HIVEP1: variants seen among roughly 807,000 people sequenced by gnomAD.
The protein encoded by HIVEP1 is HIVEP zinc finger 1, also known as zinc finger protein 40.
Under a neutral mutation model 180.0 loss-of-function variants are expected in HIVEP1, and 36 were observed. That is an observed-to-expected ratio of 0.20 (90% confidence interval 0.15 to 0.26). HIVEP1 has a LOEUF of 0.26. Ranked by LOEUF, HIVEP1 falls within the 10% of genes least tolerant of loss-of-function variation. The probability of loss-of-function intolerance (pLI) is 1.00; values close to 1 mark genes in which losing one functional copy is unlikely to be tolerated. For synonymous variants in HIVEP1, 1,239 were observed against 1,239.0 expected (o/e 1.00, Z 0.00); for missense variants, 3,143 against 3,268.7 (o/e 0.96, Z 0.94).
chr6:12,054,443 C>T (rs1224124108), intron 2 of HIVEP1, among the ~76,000 whole-genome samples: 3 of 152,120 alleles, frequency 2.0e-5, no homozygotes, highest in African/African-American at 7.2e-5. Flanking sequence ...CATATACCTA[C>T]ATATGTATCT....
chr6:12,154,159 A>G (rs1759876678), intron 7 of HIVEP1, among the ~76,000 whole-genome samples: 1 of 152,206 alleles, frequency 6.6e-6, no homozygotes, highest in African/African-American at 2.4e-5. Flanking sequence ...GTCCAGCACC[A>G]CTGAATTTAT....
At chr6:12,185,309 AG>A in the HIVEP1 span, among the ~76,000 whole-genome samples, 2 of 152,238 alleles carry the variant, frequency 1.3e-5, no homozygotes, top group Non-Finnish European at 2.9e-5. Flanking sequence ...CCACTGACGC[AG>A]CTATAATTTT....
chr6:12,195,452 C>T, the HIVEP1 span, among the ~76,000 whole-genome samples: 7 of 152,044 alleles, frequency 4.6e-5, no homozygotes, highest in African/African-American at 1.7e-4. Flanking sequence ...AAGATGTCAG[C>T]GGTTAAAAAA....
chr6:12,070,475 G>A (rs1026561234), intron 2 of HIVEP1, among the ~76,000 whole-genome samples: 1 of 152,112 alleles, frequency 6.6e-6, no homozygotes, highest in Non-Finnish European at 1.5e-5. Context: ...ATCACTTGGG[G>A]TTAGGAGTTC....
intron 7 of HIVEP1, among the ~76,000 whole-genome samples, chr6:12,137,127 T>A (rs1758749211): frequency 6.6e-6 from 1 of 152,166 alleles, no homozygotes; most frequent in Non-Finnish European, 1.5e-5. Context: ...ACGTCTTCAG[T>A]GATACAGAGC....
chr6:12,105,154 T>C lies in HIVEP1; in HGVS notation c.95-14736T>C, dbSNP rs561075783. 2.0e-5 allele frequency among the ~76,000 whole-genome samples: 3 copies of C among 152,366 alleles called. No individual in the cohort carries two copies. The East Asian group carries it at 5.8e-4, about 29-fold the overall frequency. ...TCTAAGATTCATCTTAATTGAGTTT[T>C]AGAGTGTGAGATTTTTGGGGCCATT... On this transcript the variant is annotated intron_variant, in intron 3 of 8. Coordinates refer to ENST00000379388, the MANE Select transcript of HIVEP1 (RefSeq NM_002114.4).
chr6:12,123,198 G>C lies in HIVEP1; in HGVS notation c.3403G>C (p.Val1135Leu). 3.7e-6 allele frequency: 6 copies of C among 1,614,202 alleles called. No individual in the cohort carries two copies. Among genetic ancestry groups the C allele is most frequent in the Non-Finnish European group, 5.1e-6 (6 of 1,180,036 alleles). ...GCAGAGACACGGAACTGGAATCTCT[G>C]TCATCCAGCACACCAACTCCCTGAG... ...ELQRHGTGIS[V>L]IQHTNSLSRP... The change falls in exon 4 of 9, where the codon GTC becomes CTC. Residue 1135 changes from valine to leucine, a missense_variant. Transcript: ENST00000379388.
intron 3 of HIVEP1, among the ~76,000 whole-genome samples, chr6:12,105,945 A>C (rs1045898351): frequency 7.2e-5 from 11 of 151,824 alleles, no homozygotes; most frequent in African/African-American, 2.7e-4. Flanking sequence ...CTCTTTTCCC[A>C]AAAATTTTGA....
chr6:12,180,034 T>C, the HIVEP1 span, among the ~76,000 whole-genome samples: 169 of 152,326 alleles, frequency 1.1e-3, 1 homozygote, highest in African/African-American at 3.9e-3. Context: ...ACTCAAGATA[T>C]TGAATAGCAT....
Position 12,025,042 on chromosome 6 carries a change from T to C in HIVEP1, c.40+9374T>C, listed in dbSNP as rs574867188. Among the ~76,000 whole-genome samples, 34 of 152,374 alleles carry C rather than the reference T, an allele frequency of 2.2e-4. 1 individual carries two copies. Among genetic ancestry groups the C allele is most frequent in the African/African-American group, 8.2e-4 (34 of 41,588 alleles). On this transcript the variant is annotated intron_variant, in intron 2 of 8. Coordinates refer to ENST00000379388, the MANE Select transcript of HIVEP1 (RefSeq NM_002114.4). Reference sequence around the variant, plus strand: ...GGCTTTTCATGTTTTCTCATTTGATTCCTACAGCTACCTGAGACAGGTACT... The same window carrying C: ...GGCTTTTCATGTTTTCTCATTTGATCCCTACAGCTACCTGAGACAGGTACT...
intron 3 of HIVEP1, among the ~76,000 whole-genome samples, chr6:12,097,249 A>G (rs976733410): frequency 6.6e-6 from 1 of 151,954 alleles, no homozygotes; most frequent in African/African-American, 2.4e-5. Flanking sequence ...TAAATGCCCT[A>G]AAAATTATGT....
At chr6:12,070,714 T>G (rs892119614) in intron 2 of HIVEP1, among the ~76,000 whole-genome samples, 2 of 152,196 alleles carry the variant, frequency 1.3e-5, no homozygotes, top group African/African-American at 2.4e-5. Context: ...GAACTTAAAT[T>G]GAAAGTTAAA....
downstream of HIVEP1, among the ~76,000 whole-genome samples, chr6:12,168,223 T>TATACATAA (rs1183079618): frequency 1.7e-5 from 1 of 59,942 alleles, no homozygotes; most frequent in Non-Finnish European, 3.5e-5. Flanking sequence ...TATATACATA[T>TATACATAA]ATTATATACA....
intron 3 of HIVEP1, among the ~76,000 whole-genome samples, chr6:12,100,984 C>A (rs943575881): frequency 2.0e-5 from 3 of 152,156 alleles, no homozygotes; most frequent in African/African-American, 7.2e-5. Flanking sequence ...TTGGTTTTCT[C>A]ATCAGTGTCA....
intron 3 of HIVEP1, among the ~76,000 whole-genome samples, chr6:12,112,322 C>T (rs1435247038): frequency 6.6e-6 from 1 of 151,938 alleles, no homozygotes; most frequent in African/African-American, 2.4e-5. Flanking sequence ...AGGATTTTCT[C>T]TTTATCTTTG....
chr6:12,115,648 C>T (rs1775170206), intron 3 of HIVEP1, among the ~76,000 whole-genome samples: 2 of 152,124 alleles, frequency 1.3e-5, no homozygotes, highest in African/African-American at 4.8e-5. Flanking sequence ...CTGCCTGACT[C>T]CTATTTTGAA....
At chr6:12,054,983 G>A (rs1247351776) in intron 2 of HIVEP1, among the ~76,000 whole-genome samples, 1 of 152,156 alleles carries the variant, frequency 6.6e-6, no homozygotes, top group Non-Finnish European at 1.5e-5. Flanking sequence ...TTGTCTTCTC[G>A]CTAGGTAGTC....
At chr6:12,031,706 T>G (rs928128617) in intron 2 of HIVEP1, among the ~76,000 whole-genome samples, 8 of 152,322 alleles carry the variant, frequency 5.3e-5, no homozygotes, top group African/African-American at 1.9e-4. Flanking sequence ...GTTCAGTACT[T>G]TCCACGAAGA....
the HIVEP1 span, among the ~76,000 whole-genome samples, chr6:12,176,649 A>G: frequency 6.6e-6 from 1 of 151,640 alleles, no homozygotes; most frequent in African/African-American, 2.4e-5. Flanking sequence ...GAGGGTGAAT[A>G]CTCTCCATCC....
Sources: gnomAD v4.1 joint callset for allele counts (sites outside exome capture counted in the v4.1 genomes callset) on GRCh38, gnomAD v4.1.1 for gene constraint, MANE v1.5 for transcripts, NCBI Gene and HGNC (gene_info 2026-07-23, HGNC 2026-07-21) for gene names.